ABCG1: variants seen among roughly 807,000 people sequenced by gnomAD.
ABCG1 encodes the protein ATP binding cassette subfamily G member 1.
Under a neutral mutation model 69.2 loss-of-function variants are expected in ABCG1, and 29 were observed. The ratio of observed to expected loss-of-function variants is 0.42; its 90% CI spans 0.31 to 0.57. ABCG1 has a LOEUF of 0.57. ABCG1 is among the 20% of genes least tolerant of loss of function. The probability of loss-of-function intolerance (pLI) is 0.15; values close to 1 mark genes in which losing one functional copy is unlikely to be tolerated. For synonymous variants in ABCG1, 370 were observed against 374.8 expected (o/e 0.99, Z 0.15); for missense variants, 718 against 898.1 (o/e 0.80, Z 2.56).
intron 6 of ABCG1, among the ~76,000 whole-genome samples, 189 bp downstream of exon 6, chr21:42,282,608 C>T (rs1459645007): frequency 6.6e-6 from 1 of 152,234 alleles, no homozygotes; most frequent in Non-Finnish European, 1.5e-5. Context: ...CTCACTCACT[C>T]TGTGCTCAGG....
At chr21:42,219,122 C>G (rs1310574610), upstream of ABCG1, 5 of 783,126 alleles carry the variant, frequency 6.4e-6, no homozygotes, top group East Asian at 1.0e-4. The surrounding 1 kb of genome is among the most constrained non-coding windows in gnomAD (Gnocchi z 5.3). Context: ...GAACCAGAGC[C>G]GGAGCCGGAT....
chr21:42,268,953 A>G (rs1400977690), intron 2 of ABCG1, among the ~76,000 whole-genome samples: 1 of 152,146 alleles, frequency 6.6e-6, no homozygotes, highest in African/African-American at 2.4e-5. Flanking sequence ...AGCCCCAGGC[A>G]CTGTCAAAGG....
chr21:42,259,189 T>C, intron 2 of ABCG1: 1 of 1,413,174 alleles, frequency 7.1e-7, no homozygotes, highest in Middle Eastern at 2.6e-4. Context: ...AGAGACGACA[T>C]TGCGTTCCCA....
At chr21:42,249,058 A>G (rs1408713383) in intron 2 of ABCG1, among the ~76,000 whole-genome samples, 2 of 152,240 alleles carry the variant, frequency 1.3e-5, no homozygotes, top group African/African-American at 2.4e-5. Flanking sequence ...CAATTCCTGG[A>G]ACACATGCAA....
chr21:42,224,642 C>T (rs1265272439), intron 1 of ABCG1, among the ~76,000 whole-genome samples: 1 of 152,142 alleles, frequency 6.6e-6, no homozygotes, highest in Non-Finnish European at 1.5e-5. Flanking sequence ...TAGAAGATGC[C>T]TGGAAGGGGT....
intron 2 of ABCG1, among the ~76,000 whole-genome samples, chr21:42,236,201 G>A (rs762928997): frequency 1.8e-4 from 28 of 152,248 alleles, no homozygotes; most frequent in Non-Finnish European, 4.0e-4. Context: ...GCTGGAATCC[G>A]GAGATCATGC....
chr21:42,219,237 G>C lies in ABCG1; in HGVS notation c.-26G>C, dbSNP rs1432992207. On this transcript the variant is annotated 5_prime_UTR_variant, in exon 1 of 15. Coordinates refer to ENST00000398449, the MANE Select transcript of ABCG1 (RefSeq NM_016818.3). The surrounding 1 kb of genome is among the most constrained non-coding windows in gnomAD (Gnocchi z 5.3). ...AAGCCTCGTCCCCGCCGCCGCCGCCGCCGCCGCCGCCGCCGCCCCCGGGGC... is the reference window on the plus strand; with the variant it reads ...AAGCCTCGTCCCCGCCGCCGCCGCCCCCGCCGCCGCCGCCGCCCCCGGGGC... 3.3e-6 allele frequency: 5 copies of C among 1,517,484 alleles called. No individual in the cohort carries two copies. The Admixed American group carries it at 8.4e-5, about 25-fold the overall frequency. 94.0% of individuals were successfully genotyped at this position (1,517,484 alleles called of 1,614,324 possible).
At chr21:42,203,324 G>A (rs548210636) in intron 2 of ABCG1, among the ~76,000 whole-genome samples, 71 of 152,210 alleles carry the variant, frequency 4.7e-4, no homozygotes, top group African/African-American at 1.6e-3. Context: ...ATGTAGTCCC[G>A]TTTATCAATT....
At chr21:42,203,018 A>G (rs973593828) in intron 2 of ABCG1, among the ~76,000 whole-genome samples, 5 of 152,190 alleles carry the variant, frequency 3.3e-5, no homozygotes, top group African/African-American at 1.2e-4. Context: ...ACACCCACTC[A>G]AAGATACAAA....
intron 2 of ABCG1, among the ~76,000 whole-genome samples, chr21:42,202,424 G>A (rs1410327388): frequency 6.6e-6 from 1 of 152,096 alleles, no homozygotes; most frequent in African/African-American, 2.4e-5. Context: ...GAAGCATGGA[G>A]GAGTAAAGCC....
At chr21:42,202,547 G>C (rs909042480) in intron 2 of ABCG1, among the ~76,000 whole-genome samples, 28 of 151,578 alleles carry the variant, frequency 1.8e-4, no homozygotes, top group Admixed American at 1.3e-3. Flanking sequence ...CCCTCTCTCG[G>C]CAGCTCCCAG....
chr21:42,235,753 C>T (rs1192555481), intron 2 of ABCG1, among the ~76,000 whole-genome samples: 1 of 152,150 alleles, frequency 6.6e-6, no homozygotes, highest in Non-Finnish European at 1.5e-5. Flanking sequence ...AGAGAACAGA[C>T]TGTAAATGCT....
intron 2 of ABCG1, among the ~76,000 whole-genome samples, chr21:42,209,198 C>T (rs1314028727): frequency 6.6e-6 from 1 of 152,152 alleles, no homozygotes; most frequent in East Asian, 1.9e-4. Context: ...GGAGGAGCTG[C>T]CTCTGAGGGA....
Position 42,219,404 on chromosome 21 carries a change from G to C in ABCG1, c.42+100G>C, listed in dbSNP as rs771248458. 1.1e-4 allele frequency: 170 copies of C among 1,482,852 alleles called. No homozygotes were observed. The highest frequency in any genetic ancestry group is 1.5e-4 in the Non-Finnish European group (165 of 1,111,228). The allele number at this position is 1,482,852 out of a possible 1,614,324, so 91.9% of individuals were successfully genotyped here. ...AAGCTCGACCTGACACCCCTCCCAG[G>C]AGCGCGTCCTCTGGGCGCTGACCCA... On this transcript the variant is annotated intron_variant, in intron 1 of 14. Transcript: ENST00000398449. This position sits in a 1 kb window ranked among gnomAD's most constrained non-coding sequence, Gnocchi z 5.3.
chr21:42,268,679 G>T (rs570653851), intron 2 of ABCG1, among the ~76,000 whole-genome samples: 1 of 152,280 alleles, frequency 6.6e-6, no homozygotes, highest in East Asian at 1.9e-4. Flanking sequence ...GTCCACTGCT[G>T]GACCCCATGA....
In ABCG1 at chr21:42,276,985, T is replaced by G; in HGVS notation, c.588+40T>G. On this transcript the variant is annotated intron_variant, in intron 5 of 14. Transcript: ENST00000398449. This position sits in a 1 kb window ranked among gnomAD's most constrained non-coding sequence, Gnocchi z 5.3. The stretch of plus-strand genomic sequence containing the variant: ...TGGTGCCCACAAGTGGTCCAGAAAG[T>G]GCATGACGTGCATGTGGAAGGTGTG... The G allele has an allele frequency of 1.9e-6, 3 of 1,602,080 alleles. No homozygotes were observed. Among genetic ancestry groups the G allele is most frequent in the Non-Finnish European group, 2.6e-6 (3 of 1,169,414 alleles).
At chr21:42,243,243 C>A (rs554438171) in intron 2 of ABCG1, among the ~76,000 whole-genome samples, 1 of 152,074 alleles carries the variant, frequency 6.6e-6, no homozygotes, top group Non-Finnish European at 1.5e-5. Flanking sequence ...GTGGGGAGCC[C>A]GTCGGCCCCT....
chr21:42,272,974 G>T (rs960856016), intron 3 of ABCG1, among the ~76,000 whole-genome samples: 3 of 152,228 alleles, frequency 2.0e-5, no homozygotes, highest in East Asian at 3.8e-4. Context: ...TGACCTCGCG[G>T]CTGCTTATAG....
Position 42,294,678 on chromosome 21 carries a change from C to T in ABCG1, c.1772+18C>T, listed in dbSNP as rs369919983. On this transcript the variant is annotated intron_variant, in intron 14 of 14. Coordinates refer to ENST00000398449, the MANE Select transcript of ABCG1 (RefSeq NM_016818.3). ...TATGTCAGGTAGCGGGCGTGGGGCA[C>T]GCATGGCGTGGGGACCGAGGGTGAC... The T allele has an allele frequency of 3.5e-5, 57 of 1,606,604 alleles. No individual in the cohort carries two copies. Among genetic ancestry groups the T allele is most frequent in the South Asian group, 2.6e-4 (24 of 90,958 alleles).
Sources: allele counts gnomAD v4.1 joint callset (sites outside exome capture counted in the v4.1 genomes callset), GRCh38; gene constraint gnomAD v4.1.1; non-coding constraint Gnocchi (gnomAD v3.1); transcripts MANE v1.5; gene names NCBI Gene and HGNC (gene_info 2026-07-23, HGNC 2026-07-21).